Variants in NEK11 observed in about 807,000 individuals in gnomAD.
The protein encoded by NEK11 is serine/threonine-protein kinase Nek11.
A neutral mutation model predicts 80.7 loss-of-function variants in NEK11; 72 were observed. The ratio of observed to expected loss-of-function variants is 0.89; its 90% CI spans 0.74 to 1.08. The LOEUF (loss-of-function observed/expected upper bound fraction) is 1.08, where lower values mean the gene tolerates loss of function less well. Among genes scored for constraint, NEK11 ranks in the 50% least tolerant of loss-of-function variants. The pLI is 0.00. For synonymous variants in NEK11, 251 were observed against 260.7 expected, an observed-to-expected ratio of 0.96 and a Z score of 0.36; for missense variants, 764 against 763.6, an observed-to-expected ratio of 1.00 and a Z score of -0.01.
At chr3:131,063,209 G>C (rs554337555) in intron 3 of NEK11, among the ~76,000 whole-genome samples, 1 of 152,154 alleles carries the variant, frequency 6.6e-6, no homozygotes, top group East Asian at 1.9e-4. Context: ...ACTTTTTATA[G>C]AGAGGGGGTC....
At chr3:131,083,733 T>C (rs1288835792) in intron 4 of NEK11, among the ~76,000 whole-genome samples, 2 of 152,322 alleles carry the variant, frequency 1.3e-5, no homozygotes, top group East Asian at 3.9e-4. Context: ...CTTCTGCATC[T>C]ACTACCTAAC....
At chr3:131,170,509 T>C (rs2092615789) in intron 13 of NEK11, among the ~76,000 whole-genome samples, 1 of 152,168 alleles carries the variant, frequency 6.6e-6, no homozygotes. Flanking sequence ...AATTGGTACC[T>C]TGGGCATCCC....
intron 17 of NEK11, among the ~76,000 whole-genome samples, chr3:131,337,633 TAATAAATAAATAAA>T (rs1236492005): frequency 2.0e-5 from 3 of 151,148 alleles, no homozygotes; most frequent in African/African-American, 7.3e-5. Flanking sequence ...AAATTTAAAA[TAATAAATAAATAAA>T]AATAAATAAA....
intron 14 of NEK11, among the ~76,000 whole-genome samples, chr3:131,217,591 C>T (rs1031679567): frequency 1.3e-5 from 2 of 152,132 alleles, no homozygotes; most frequent in Non-Finnish European, 2.9e-5. Flanking sequence ...CTAGATGGTA[C>T]ATTTATGCTA....
intron 17 of NEK11, among the ~76,000 whole-genome samples, chr3:131,276,207 A>T (rs1010087331): frequency 1.3e-5 from 2 of 152,254 alleles, no homozygotes; most frequent in African/African-American, 4.8e-5. Context: ...AAATGGTCAT[A>T]TTAATTGCCA....
At chr3:131,049,438 C>T (rs537347069) in intron 3 of NEK11, among the ~76,000 whole-genome samples, 1 of 152,304 alleles carries the variant, frequency 6.6e-6, no homozygotes, top group African/African-American at 2.4e-5. Context: ...TAAGACTTAG[C>T]CCACTTGTAT....
chr3:131,080,496 C>A lies in NEK11; in HGVS notation c.244C>A (p.Leu82Ile). 2.5e-6 allele frequency: 4 copies of A among 1,614,022 alleles called. No individual in the cohort carries two copies. The highest frequency in any genetic ancestry group is 3.4e-6 in the Non-Finnish European group (4 of 1,179,930). Residue 82 changes from leucine (L) to isoleucine (I), a missense_variant, in exon 4 of 18, where the codon CTC (leucine) becomes ATC (isoleucine). Coordinates refer to ENST00000383366, the MANE Select transcript of NEK11 (RefSeq NM_024800.5). ...ETVQANLEAQ[L>I]LSKLDHPAIV... The stretch of plus-strand genomic sequence containing the variant: ...TGTACAGGCCAATTTGGAAGCCCAA[C>A]TCCTCTCCAAGCTGGACCACCCAGC...
chr3:131,305,151 G>A (rs554361656), intron 17 of NEK11, among the ~76,000 whole-genome samples: 2 of 151,820 alleles, frequency 1.3e-5, no homozygotes, highest in South Asian at 2.1e-4. Context: ...GTGCTATGGT[G>A]TGTGCACTGG....
intron 17 of NEK11, among the ~76,000 whole-genome samples, chr3:131,318,739 G>GTATATATATA (rs35126140): frequency 3.8e-4 from 55 of 145,540 alleles, no homozygotes; most frequent in Non-Finnish European, 6.6e-4. Context: ...GTGTACATGT[G>GTATATATATA]TATATATATA....
chr3:131,329,029 AAGAC>A (rs1278992174), intron 17 of NEK11: 2 of 152,218 alleles, frequency 1.3e-5, no homozygotes, highest in Non-Finnish European at 2.9e-5. Context: ...AGTGTGAAAG[AAGAC>A]AGGCAGAAAC....
intron 3 of NEK11, among the ~76,000 whole-genome samples, chr3:131,032,755 A>G (rs2065059419): frequency 6.6e-6 from 1 of 152,234 alleles, no homozygotes; most frequent in African/African-American, 2.4e-5. Context: ...TTGTAATAAG[A>G]ATACGATATC....
chr3:131,328,802 A>C (rs868592392), intron 17 of NEK11: 1 of 152,240 alleles, frequency 6.6e-6, no homozygotes, highest in African/African-American at 2.4e-5. Context: ...TTAGAACAGG[A>C]GGCTAAAATC....
chr3:131,080,967 G>A (rs184389084), intron 4 of NEK11, among the ~76,000 whole-genome samples: 56 of 151,976 alleles, frequency 3.7e-4, no homozygotes, highest in Non-Finnish European at 2.5e-4. Flanking sequence ...AAAATTAGCC[G>A]GGCGTGGTTG....
chr3:131,197,432 T>C (rs1280761856), intron 14 of NEK11, among the ~76,000 whole-genome samples: 1 of 152,090 alleles, frequency 6.6e-6, no homozygotes, highest in Non-Finnish European at 1.5e-5. Context: ...CAATTTGTAG[T>C]TTTAGAGCTT....
chr3:131,087,068 A>G (rs2076071922), intron 4 of NEK11, among the ~76,000 whole-genome samples: 1 of 151,990 alleles, frequency 6.6e-6, no homozygotes, highest in African/African-American at 2.4e-5. Flanking sequence ...CTCCTAGTAG[A>G]TTTTCAATAA....
chr3:131,226,370 T>G lies in NEK11; in HGVS notation c.1400-2158T>G, dbSNP rs375179355. Among the ~76,000 whole-genome samples the G allele has an allele frequency of 2.6e-5, 4 of 152,174 alleles. No individual in the cohort carries two copies. In the East Asian group the frequency reaches 5.8e-4, roughly 22 times the overall value. The stretch of plus-strand genomic sequence containing the variant: ...CTAGTCATTACAGCAAAAAGACACC[T>G]GCACGTTTATGTTTATCACAACACA... On this transcript the variant is annotated intron_variant, in intron 14 of 17. Transcript: ENST00000383366.
chr3:131,320,477 T>A (rs2096885798), intron 17 of NEK11, among the ~76,000 whole-genome samples: 1 of 151,786 alleles, frequency 6.6e-6, no homozygotes, highest in Admixed American at 6.6e-5. Context: ...AAATCAAAAC[T>A]ATTATTAATG....
chr3:131,085,756 C>T (rs2075890053), intron 4 of NEK11, among the ~76,000 whole-genome samples: 2 of 152,090 alleles, frequency 1.3e-5, no homozygotes, highest in African/African-American at 4.8e-5. Context: ...CTAATTTTAA[C>T]AACTTATATA....
intron 5 of NEK11, among the ~76,000 whole-genome samples, chr3:131,114,088 G>A (rs1348544258): frequency 6.6e-6 from 1 of 151,948 alleles, no homozygotes; most frequent in Non-Finnish European, 1.5e-5. Context: ...TTTTAGAATG[G>A]TTTTTAAATG....
Sources: gnomAD v4.1 joint callset for allele counts (sites outside exome capture counted in the v4.1 genomes callset) on GRCh38, gnomAD v4.1.1 for gene constraint, MANE v1.5 for transcripts, NCBI Gene and HGNC (gene_info 2026-07-23, HGNC 2026-07-21) for gene names.